Variants in CRYL1 observed in about 807,000 individuals in gnomAD.
The protein encoded by CRYL1 is crystallin lambda 1, also known as lambda-crystallin homolog.
In CRYL1, 29 loss-of-function variants were observed where a neutral mutation model predicts 36.6. That is an observed-to-expected ratio of 0.79 (90% CI 0.59 to 1.08). The LOEUF is 1.08. Ranked by LOEUF, CRYL1 falls within the 50% of genes least tolerant of loss-of-function variation. The pLI is 0.00. For synonymous variants in CRYL1, 152 were observed against 151.5 expected (o/e 1.00, Z -0.02); for missense variants, 411 against 407.9 (o/e 1.01, Z -0.06).
chr13:20,418,957 C>T (rs143190339), intron 5 of CRYL1: 79 of 152,282 alleles, frequency 5.2e-4, no homozygotes, highest in Admixed American at 2.2e-3. Context: ...AACGCAACAG[C>T]GAGAAGTAGA....
At chr13:20,440,711 T>C (rs1362684413) in intron 3 of CRYL1, among the ~76,000 whole-genome samples, 1 of 152,158 alleles carries the variant, frequency 6.6e-6, no homozygotes, top group Non-Finnish European at 1.5e-5. Flanking sequence ...ACACGTTACA[T>C]CCATAATTCC....
At chr13:20,439,516 A>AAAAAAAAAAAAAG in intron 4 of CRYL1, 77 bp downstream of exon 4, 1 of 125,366 alleles carries the variant, frequency 8.0e-6, no homozygotes, top group Non-Finnish European at 1.3e-5. Context: ...CTCCCCCGCA[A>AAAAAAAAAAAAAG]AAAAAAAAAA....
intron 3 of CRYL1, among the ~76,000 whole-genome samples, chr13:20,451,887 C>A (rs1333242160): frequency 6.6e-6 from 1 of 152,014 alleles, no homozygotes; most frequent in Non-Finnish European, 1.5e-5. Flanking sequence ...CTTAGGTACC[C>A]ATCAACACTG....
chr13:20,439,479 T>C, intron 4 of CRYL1, 114 bp downstream of exon 4: 2 of 840,482 alleles, frequency 2.4e-6, no homozygotes, highest in East Asian at 5.3e-5. Flanking sequence ...AAAAGACTAA[T>C]GGATTACTCA....
intron 2 of CRYL1, among the ~76,000 whole-genome samples, chr13:20,510,904 C>T (rs936648941): frequency 4.0e-5 from 6 of 150,578 alleles, no homozygotes; most frequent in Admixed American, 6.6e-5. Flanking sequence ...CCACAAGCTC[C>T]GTGGCAAAAA....
At chr13:20,505,461 C>G (rs988646635) in intron 2 of CRYL1, among the ~76,000 whole-genome samples, 2 of 150,432 alleles carry the variant, frequency 1.3e-5, no homozygotes, top group African/African-American at 4.9e-5. Context: ...TGACTGGAAA[C>G]ATTACCTTCG....
At chr13:20,448,228 G>A (rs761503262) in intron 3 of CRYL1, among the ~76,000 whole-genome samples, 56 of 152,068 alleles carry the variant, frequency 3.7e-4, no homozygotes, top group Admixed American at 8.5e-4. Context: ...GCTAGTCAAC[G>A]GAAATCAGAC....
At chr13:20,424,028 G>A (rs113565246) in intron 5 of CRYL1, among the ~76,000 whole-genome samples, 2,126 of 152,090 alleles carry the variant, frequency 0.014, 51 homozygotes, top group African/African-American at 0.047. Flanking sequence ...CTTGGATTCC[G>A]AAAGTGCTGG....
intron 3 of CRYL1, among the ~76,000 whole-genome samples, chr13:20,480,593 C>A (rs2033256070): frequency 6.6e-6 from 1 of 152,200 alleles, no homozygotes; most frequent in African/African-American, 2.4e-5. Flanking sequence ...CCAAAGAGAA[C>A]AAATCATGGT....
chr13:20,519,156 G>C (rs2034052671), intron 1 of CRYL1, among the ~76,000 whole-genome samples: 1 of 152,102 alleles, frequency 6.6e-6, no homozygotes, highest in African/African-American at 2.4e-5. Context: ...CGATAAAGAA[G>C]TCCAAGGATT....
At chr13:20,423,441 A>G in intron 5 of CRYL1, among the ~76,000 whole-genome samples, 1 of 152,118 alleles carries the variant, frequency 6.6e-6, no homozygotes, top group East Asian at 1.9e-4. Context: ...CACTTCTTCT[A>G]TATCTAATTT....
At chr13:20,420,703 G>T (rs28691754) in intron 5 of CRYL1, among the ~76,000 whole-genome samples, 28,026 of 37,830 alleles carry the variant, frequency 0.74, 9,391 homozygotes, top group South Asian at 0.83. Flanking sequence ...AATAGAGGTT[G>T]TGTGTGTGTG....
chr13:20,408,251 C>T (rs1261365696), intron 6 of CRYL1, among the ~76,000 whole-genome samples: 1 of 152,184 alleles, frequency 6.6e-6, no homozygotes. Context: ...ATCAGCTCAC[C>T]TGCTTCCACT....
chr13:20,501,321 G>T (rs138584363), intron 2 of CRYL1, among the ~76,000 whole-genome samples: 218 of 152,306 alleles, frequency 1.4e-3, no homozygotes, highest in African/African-American at 5.0e-3. Context: ...TATGAAGGCT[G>T]AGCCAGATCT....
intron 2 of CRYL1, among the ~76,000 whole-genome samples, chr13:20,504,812 T>C (rs987352888): frequency 2.0e-5 from 3 of 152,214 alleles, no homozygotes; most frequent in Non-Finnish European, 4.4e-5. Flanking sequence ...AGCTTTTTGT[T>C]TTTCAAGTTC....
chr13:20,442,000 A>G (rs1463108422), intron 3 of CRYL1, among the ~76,000 whole-genome samples: 2 of 152,260 alleles, frequency 1.3e-5, no homozygotes, highest in African/African-American at 4.8e-5. Flanking sequence ...AAAAGGGGAA[A>G]AAGAGCTACA....
chr13:20,429,907 G>T (rs988514707), intron 5 of CRYL1, among the ~76,000 whole-genome samples: 3 of 152,144 alleles, frequency 2.0e-5, no homozygotes, highest in African/African-American at 7.2e-5. Context: ...CTGGCACGCT[G>T]GTTGTGACCT....
chr13:20,439,790 A>C (rs141666833), intron 3 of CRYL1, 36 bp from the exon 4 acceptor site: 18 of 1,589,554 alleles, frequency 1.1e-5, no homozygotes, highest in Non-Finnish European at 1.6e-5. Context: ...ATTCATGACC[A>C]CTCGACTCAG....
intron 1 of CRYL1, among the ~76,000 whole-genome samples, chr13:20,524,706 A>G (rs1487095855): frequency 2.0e-5 from 3 of 152,040 alleles, no homozygotes; most frequent in Non-Finnish European, 4.4e-5. Context: ...TGCCTTCACT[A>G]TTCAACCACG....
Sources: allele counts gnomAD v4.1 joint callset (sites outside exome capture counted in the v4.1 genomes callset), GRCh38; gene constraint gnomAD v4.1.1; transcripts MANE v1.5; gene names NCBI Gene and HGNC (gene_info 2026-07-23, HGNC 2026-07-21).